RNF185: variants seen among roughly 807,000 people sequenced by gnomAD.
RNF185 encodes ring finger protein 185.
RNF185 carries 13 observed loss-of-function variants against 24.9 expected under a neutral mutation model. The observed-to-expected ratio is 0.52, with a 90% CI of 0.34 to 0.83. The LOEUF (loss-of-function observed/expected upper bound fraction) is 0.83. Among genes scored for constraint, RNF185 ranks in the 40% least tolerant of loss-of-function variants. The pLI, the probability that RNF185 is intolerant of heterozygous loss-of-function variation, is 0.01. For synonymous variants in RNF185, 79 were observed against 90.3 expected, an observed-to-expected ratio of 0.88 and a Z score of 0.71; for missense variants, 184 against 244.7, an observed-to-expected ratio of 0.75 and a Z score of 1.65.
In RNF185 at chr22:31,198,992, C is replaced by T. The variant is rs538984015; in HGVS notation, c.363+2002C>T. ...GCATGTGCCTGTAGTCCCAGCTACT[C>T]GGGAGGCTGAAACAGGAGAATCACT... is the stretch of plus-strand genomic sequence containing the variant. On this transcript the variant is annotated intron_variant, in intron 5 of 6. Coordinates refer to ENST00000326132, the MANE Select transcript of RNF185 (RefSeq NM_152267.4). Among the ~76,000 whole-genome samples the T allele has an allele frequency of 6.9e-4, 103 of 150,126 alleles. 2 individuals carry two copies. Among genetic ancestry groups the T allele is most frequent in the African/African-American group, 2.3e-3 (95 of 41,002 alleles).
rs545365469 is a variant in RNF185 at position 31,206,765 on chromosome 22, G to A, written c.*2179G>A. ...GGGACTCCTGGCTCGGCCCCAACAG[G>A]GAGCCCCCTTCCCACCATCCCTCGG... On this transcript the variant is annotated 3_prime_UTR_variant, in exon 7 of 7. Coordinates refer to ENST00000326132, the MANE Select transcript of RNF185 (RefSeq NM_152267.4). The A allele has an allele frequency of 6.6e-6, 1 of 152,326 alleles. No individual in the cohort carries two copies. Among genetic ancestry groups the A allele is most frequent in the East Asian group, 1.9e-4 (1 of 5,178 alleles). 9.4% of individuals were successfully genotyped at this position (152,326 alleles called of 1,614,324 possible).
chr22:31,180,895 T>C (rs982131549), intron 1 of RNF185, among the ~76,000 whole-genome samples: 8 of 148,214 alleles, frequency 5.4e-5, no homozygotes, highest in Non-Finnish European at 1.0e-4. Flanking sequence ...GTGTATTTTC[T>C]AGGCATTTTC....
At chr22:31,194,457 C>T (rs5753506) in intron 3 of RNF185, among the ~76,000 whole-genome samples, 6,780 of 152,014 alleles carry the variant, frequency 0.045, 561 homozygotes, top group East Asian at 0.37. Flanking sequence ...TGGCCGGGCG[C>T]GGTGGCTCAT....
intron 1 of RNF185, among the ~76,000 whole-genome samples, chr22:31,180,492 A>G (rs2048024493): frequency 6.6e-6 from 1 of 151,410 alleles, no homozygotes; most frequent in South Asian, 2.1e-4. Context: ...AAAGTAATAC[A>G]GTTGAGTATG....
intron 1 of RNF185, among the ~76,000 whole-genome samples, chr22:31,181,398 A>G (rs548282803): frequency 6.6e-6 from 1 of 152,256 alleles, no homozygotes; most frequent in African/African-American, 2.4e-5. Flanking sequence ...CACACAGACT[A>G]TTACAGTGAA....
chr22:31,201,994 C>T lies in RNF185; in HGVS notation c.481+379C>T, dbSNP rs534500166. Among the ~76,000 whole-genome samples the T allele has an allele frequency of 1.7e-4, 26 of 152,268 alleles. No individual in the cohort carries two copies. In the South Asian group the frequency reaches 2.7e-3, roughly 16 times the overall value. Reference sequence around the variant, plus strand: ...TCAGCTGAGGAAAAGCCTAGTTCTGCACATTTACTTCCCACTTTGACCATT... The same window carrying T: ...TCAGCTGAGGAAAAGCCTAGTTCTGTACATTTACTTCCCACTTTGACCATT... On this transcript the variant is annotated intron_variant, in intron 6 of 6. Coordinates refer to ENST00000326132, the MANE Select transcript of RNF185 (RefSeq NM_152267.4).
intron 3 of RNF185, among the ~76,000 whole-genome samples, chr22:31,194,631 G>A (rs2048186767): frequency 6.6e-6 from 1 of 152,102 alleles, no homozygotes; most frequent in Non-Finnish European, 1.5e-5. Context: ...GGAAGGCTGA[G>A]ACAGGAGAAT....
intron 1 of RNF185, among the ~76,000 whole-genome samples, chr22:31,182,416 T>G (rs1424658759): frequency 6.6e-6 from 1 of 152,024 alleles, no homozygotes; most frequent in Admixed American, 6.6e-5. Flanking sequence ...GCCTCTGGAG[T>G]AGCTGGGACC....
chr22:31,189,786 G>C (rs193154433), intron 2 of RNF185, among the ~76,000 whole-genome samples: 1 of 151,582 alleles, frequency 6.6e-6, no homozygotes, highest in Non-Finnish European at 1.5e-5. Context: ...AGTAGAGAGA[G>C]GTTTTCACCA....
At chr22:31,173,996 T>C (rs1025690970) in intron 1 of RNF185, among the ~76,000 whole-genome samples, 2 of 152,212 alleles carry the variant, frequency 1.3e-5, no homozygotes, top group African/African-American at 4.8e-5. Context: ...ATGAGGAATA[T>C]ACAAAAACAG....
intron 1 of RNF185, among the ~76,000 whole-genome samples, chr22:31,173,672 T>TA (rs2047954251): frequency 1.3e-5 from 2 of 152,314 alleles, no homozygotes; most frequent in South Asian, 4.1e-4. Context: ...CTAATGATGA[T>TA]ACAGTAGTGT....
intron 2 of RNF185, among the ~76,000 whole-genome samples, chr22:31,187,688 C>T (rs1168387169): frequency 6.6e-6 from 1 of 152,134 alleles, no homozygotes; most frequent in African/African-American, 2.4e-5. Flanking sequence ...GGGTCGTTTG[C>T]AAGCATTAAA....
intron 1 of RNF185, among the ~76,000 whole-genome samples, chr22:31,165,281 TA>T: frequency 6.6e-6 from 1 of 152,080 alleles, no homozygotes; most frequent in Non-Finnish European, 1.5e-5. Context: ...TATTGCCCAC[TA>T]AAAAAATTAT....
intron 1 of RNF185, among the ~76,000 whole-genome samples, chr22:31,167,939 C>T (rs1306022919): frequency 3.3e-5 from 5 of 152,098 alleles, no homozygotes; most frequent in Non-Finnish European, 5.9e-5. Flanking sequence ...TAGTGAAATT[C>T]ATATAAAATT....
At chr22:31,171,968 C>G (rs1334079656) in intron 1 of RNF185, among the ~76,000 whole-genome samples, 1 of 150,932 alleles carries the variant, frequency 6.6e-6, no homozygotes, top group Non-Finnish European at 1.5e-5. Context: ...AACTCCATCT[C>G]AAAAAAAAGA....
At chr22:31,182,091 C>G (rs1311213048) in intron 1 of RNF185, among the ~76,000 whole-genome samples, 1 of 144,486 alleles carries the variant, frequency 6.9e-6, no homozygotes. Context: ...TTATACCCAA[C>G]AAAATTAACA....
At chr22:31,166,447 T>C (rs1923924790) in intron 1 of RNF185, among the ~76,000 whole-genome samples, 1 of 152,194 alleles carries the variant, frequency 6.6e-6, no homozygotes, top group Non-Finnish European at 1.5e-5. Flanking sequence ...TTGGAATCAC[T>C]CACTGTACAC....
chr22:31,185,128 GAAGGTC>G lies in RNF185; in HGVS notation c.-48-1917_-48-1912del, dbSNP rs66613119. Among the ~76,000 whole-genome samples the G allele has an allele frequency of 5.4e-3, 820 of 152,132 alleles. 8 individuals carry two copies. The highest frequency in any genetic ancestry group is 8.7e-3 in the Non-Finnish European group (595 of 68,006). On this transcript the variant is annotated intron_variant, in intron 1 of 6. Transcript: ENST00000326132. Reference sequence around the variant, plus strand: ...AGAGCACATGTAATATGAAGAAGAGGAAGGTCAGAGAGAAGGTCTTGGAGCCGAGGC... The same window carrying G: ...AGAGCACATGTAATATGAAGAAGAGGAGAGAGAAGGTCTTGGAGCCGAGGC...
intron 6 of RNF185, among the ~76,000 whole-genome samples, chr22:31,202,506 A>G (rs1020494439): frequency 6.6e-6 from 1 of 151,514 alleles, no homozygotes; most frequent in African/African-American, 2.4e-5. Flanking sequence ...CAGGTGATCT[A>G]TAAGTCTTTC....
Sources: gnomAD v4.1 joint callset for allele counts (sites outside exome capture counted in the v4.1 genomes callset) on GRCh38, gnomAD v4.1.1 for gene constraint, MANE v1.5 for transcripts, NCBI Gene and HGNC (gene_info 2026-07-23, HGNC 2026-07-21) for gene names.